TEX11: variants seen among roughly 807,000 people sequenced by gnomAD.
TEX11 encodes testis expressed 11.
TEX11 carries 7 observed loss-of-function variants against 84.4 expected under a neutral mutation model. The observed-to-expected ratio is 0.08, with a 90% CI of 0.05 to 0.16. TEX11 has a LOEUF of 0.16. Among genes scored for constraint, TEX11 ranks in the 10% least tolerant of loss-of-function variants. The pLI, the probability that TEX11 is intolerant of heterozygous loss-of-function variation, is 1.00. For synonymous variants in TEX11, 264 were observed against 222.8 expected, an observed-to-expected ratio of 1.18 and a Z score of -1.64; for missense variants, 551 against 660.5, an observed-to-expected ratio of 0.83 and a Z score of 1.82.
At chrX:70,714,902 A>G (rs1282026879) in intron 13 of TEX11, among the ~76,000 whole-genome samples, 13 of 111,571 alleles carry the variant, frequency 1.2e-4, no homozygotes, top group African/African-American at 1.6e-4. Flanking sequence ...GGTCTTTACA[A>G]TTTGGCATGT....
chrX:70,614,926 G>A (rs939203954), intron 20 of TEX11, among the ~76,000 whole-genome samples: 8 of 110,899 alleles, frequency 7.2e-5, no homozygotes, highest in African/African-American at 2.3e-4. Flanking sequence ...GAATTCTTCC[G>A]GACCTTATTC....
intron 11 of TEX11, among the ~76,000 whole-genome samples, chrX:70,728,248 A>T (rs1159292448): frequency 8.9e-6 from 1 of 112,187 alleles, no homozygotes; most frequent in Non-Finnish European, 1.9e-5. Flanking sequence ...AACACAGAAG[A>T]CAGGTGATTT....
intron 9 of TEX11, among the ~76,000 whole-genome samples, chrX:70,780,570 A>T (rs1216204205): frequency 8.9e-6 from 1 of 112,350 alleles, no homozygotes; most frequent in African/African-American, 3.2e-5. Flanking sequence ...AAGCTGTGAC[A>T]GTCTGTACCT....
intron 20 of TEX11, among the ~76,000 whole-genome samples, chrX:70,623,521 A>C (rs2089417863): frequency 8.9e-6 from 1 of 112,228 alleles, no homozygotes; most frequent in African/African-American, 3.2e-5. Context: ...TCATCTGTTA[A>C]GAAAGGGGGA....
chrX:70,561,432 G>A (rs1040968410), intron 25 of TEX11, among the ~76,000 whole-genome samples: 7 of 96,349 alleles, frequency 7.3e-5, no homozygotes, highest in Admixed American at 1.2e-4. Flanking sequence ...CTGTCGCCCA[G>A]GCTGGAGTGT....
chrX:70,632,267 TAAG>T (rs914740846), intron 17 of TEX11, among the ~76,000 whole-genome samples: 2 of 111,161 alleles, frequency 1.8e-5, no homozygotes, highest in African/African-American at 3.3e-5. Flanking sequence ...CCTTTAGAAA[TAAG>T]AAGAAGTAGA....
chrX:70,548,447 A>T (rs1001684833), intron 28 of TEX11, among the ~76,000 whole-genome samples: 8 of 111,247 alleles, frequency 7.2e-5, no homozygotes, highest in African/African-American at 1.3e-4. Context: ...ATAATAATAA[A>T]AAATCAGGTG....
intron 8 of TEX11, among the ~76,000 whole-genome samples, chrX:70,812,599 T>C (rs933553187): frequency 9.0e-5 from 10 of 110,622 alleles, no homozygotes; most frequent in African/African-American, 3.3e-4. Context: ...ATTTATTAAA[T>C]AGGGAACCGA....
At chrX:70,731,189 C>T (rs1416523114) in intron 11 of TEX11, among the ~76,000 whole-genome samples, 2 of 111,634 alleles carry the variant, frequency 1.8e-5, no homozygotes, top group Non-Finnish European at 3.8e-5. Context: ...TAAATGCCCA[C>T]AAGAGAAAGC....
intron 25 of TEX11, among the ~76,000 whole-genome samples, chrX:70,578,764 CTTTTTTTTTTT>C (rs869110075): frequency 4.0e-5 from 2 of 50,166 alleles, no homozygotes; most frequent in Admixed American, 2.8e-4. Context: ...AGTTGAACTT[CTTTTTTTTTTT>C]TTTTTTTTTT....
intron 25 of TEX11, among the ~76,000 whole-genome samples, chrX:70,558,386 T>C (rs2088317432): frequency 9.0e-6 from 1 of 111,417 alleles, no homozygotes; most frequent in South Asian, 3.8e-4. Flanking sequence ...AGAATGAAGT[T>C]AGACCCTCAC....
intron 2 of TEX11, among the ~76,000 whole-genome samples, chrX:70,881,005 CAAAAAAAA>C (rs11284342): frequency 0.027 from 1,241 of 46,269 alleles, 38 homozygotes; most frequent in African/African-American, 0.11. Flanking sequence ...AGACATCATC[CAAAAAAAA>C]AAAAAAAAAA....
the TEX11 span, among the ~76,000 whole-genome samples, chrX:70,517,019 G>C: frequency 9.0e-6 from 1 of 111,623 alleles, no homozygotes; most frequent in African/African-American, 3.3e-5. Context: ...AGGAGATTTG[G>C]GGCTAAGATG....
At chrX:70,873,738 T>A in intron 3 of TEX11, among the ~76,000 whole-genome samples, 1 of 112,117 alleles carries the variant, frequency 8.9e-6, no homozygotes, top group Non-Finnish European at 1.9e-5. Context: ...TTCTTTGTTT[T>A]ATTTCTTTTC....
Position 70,907,757 on chromosome X carries a change from A to C in TEX11, c.33T>G (p.Phe11Leu). 1 of 1,182,882 alleles carries C rather than the reference A, an allele frequency of 8.5e-7. No homozygotes were observed. The highest frequency in any genetic ancestry group is 1.2e-6 in the Non-Finnish European group (1 of 869,216). ...CTACCACGTAGAGCTACGTACCTTT[A>C]AAGTCCATGGAAAAAAAATCATCAT... MDNDDFFSMD[F>L]KEVVENLVTN... The change falls in exon 2 of 30, where the codon TTT becomes TTG. Residue 11 changes from phenylalanine to leucine, a missense_variant. Transcript: ENST00000374333.
chrX:70,796,211 A>G (rs2091155046), intron 9 of TEX11, among the ~76,000 whole-genome samples: 1 of 112,317 alleles, frequency 8.9e-6, no homozygotes, highest in South Asian at 3.7e-4. Flanking sequence ...TGCAATTGAT[A>G]TACTGATATC....
chrX:70,886,323 A>C (rs894330751), intron 2 of TEX11, among the ~76,000 whole-genome samples: 1 of 112,217 alleles, frequency 8.9e-6, no homozygotes, highest in South Asian at 3.7e-4. Context: ...CATTATACTA[A>C]GTGAAATAAG....
chrX:70,867,185 C>A (rs2091603875), intron 4 of TEX11, among the ~76,000 whole-genome samples: 1 of 111,628 alleles, frequency 9.0e-6, no homozygotes, highest in South Asian at 3.8e-4. Flanking sequence ...TCTCAGGATA[C>A]AAAATCAATA....
chrX:70,622,187 C>G (rs769890761), intron 20 of TEX11, among the ~76,000 whole-genome samples: 2 of 111,932 alleles, frequency 1.8e-5, no homozygotes, highest in African/African-American at 6.5e-5. Context: ...ATTGAAATAG[C>G]TGAACCTACA....
Sources: gnomAD v4.1 joint callset for allele counts (sites outside exome capture counted in the v4.1 genomes callset) on GRCh38, gnomAD v4.1.1 for gene constraint, MANE v1.5 for transcripts, NCBI Gene and HGNC (gene_info 2026-07-23, HGNC 2026-07-21) for gene names.